PSMB7: variants seen among roughly 807,000 people sequenced by gnomAD.
PSMB7 encodes the protein proteasome 20S subunit beta 7, also known as proteasome subunit beta type-7.
Under a neutral mutation model 28.1 loss-of-function variants are expected in PSMB7, and 5 were observed. That is an observed-to-expected ratio of 0.18 (90% confidence interval 0.09 to 0.37). The LOEUF (loss-of-function observed/expected upper bound fraction) is 0.37. PSMB7 is among the 10% of genes least tolerant of loss of function. The pLI is 1.00. For synonymous variants in PSMB7, 122 were observed against 123.7 expected (o/e 0.99, Z 0.09); for missense variants, 275 against 346.2 (o/e 0.79, Z 1.63).
At chr9:124,408,333 A>G (rs1830989344) in intron 4 of PSMB7, among the ~76,000 whole-genome samples, 1 of 152,236 alleles carries the variant, frequency 6.6e-6, no homozygotes. Context: ...TCTAGAATAC[A>G]GGCTAAGGAA....
intron 6 of PSMB7, among the ~76,000 whole-genome samples, chr9:124,372,212 C>CT (rs1240472397): frequency 2.0e-5 from 3 of 152,230 alleles, no homozygotes; most frequent in African/African-American, 4.8e-5. Flanking sequence ...TCAGTACTGC[C>CT]TCTGCATTAC....
chr9:124,358,938 G>A (rs1830440858), intron 6 of PSMB7, among the ~76,000 whole-genome samples: 1 of 152,218 alleles, frequency 6.6e-6, no homozygotes, highest in Non-Finnish European at 1.5e-5. Flanking sequence ...TGGGGAAACG[G>A]AAATATACGA....
intron 6 of PSMB7, among the ~76,000 whole-genome samples, chr9:124,363,486 CT>C (rs995283369): frequency 3.3e-5 from 5 of 151,908 alleles, no homozygotes; most frequent in East Asian, 3.9e-4. Context: ...CGGTAGAAAA[CT>C]TTTTTTTTCC....
chr9:124,412,683 C>G (rs1160878800), intron 3 of PSMB7, among the ~76,000 whole-genome samples, 191 bp from the exon 4 acceptor site: 1 of 152,116 alleles, frequency 6.6e-6, no homozygotes, highest in Admixed American at 6.6e-5. Flanking sequence ...TAGTTATATG[C>G]AAATACATTA....
intron 6 of PSMB7, among the ~76,000 whole-genome samples, chr9:124,365,618 T>C (rs1356739989): frequency 6.6e-6 from 1 of 152,098 alleles, no homozygotes; most frequent in Admixed American, 6.5e-5. Context: ...AGTGGTCCCA[T>C]AAAATTATCA....
At chr9:124,387,811 G>A (rs1006581105) in intron 5 of PSMB7, among the ~76,000 whole-genome samples, 2 of 151,630 alleles carry the variant, frequency 1.3e-5, no homozygotes, top group Non-Finnish European at 2.9e-5. Flanking sequence ...AAATACAGCT[G>A]CAATTGCCTG....
intron 5 of PSMB7, among the ~76,000 whole-genome samples, chr9:124,389,032 C>CA (rs1178611130): frequency 5.9e-5 from 9 of 151,700 alleles, no homozygotes; most frequent in African/African-American, 2.2e-4. Flanking sequence ...ATGAGGGAGC[C>CA]AAAAAAAACT....
Position 124,405,307 on chromosome 9 carries a change from T to A in PSMB7, c.511+10A>T, listed in dbSNP as rs1233671362. 1 of 1,568,012 alleles carries A rather than the reference T, an allele frequency of 6.4e-7. No individual in the cohort carries two copies. The highest frequency in any genetic ancestry group is 8.8e-7 in the Non-Finnish European group (1 of 1,139,086). ...AGTACTCTTAAACATCAGGAAAACG[T>A]TACACTCACCCATGGTGACATAAGG... On this transcript the variant is annotated intron_variant, in intron 5 of 7. Coordinates refer to ENST00000259457, the MANE Select transcript of PSMB7 (RefSeq NM_002799.4).
intron 5 of PSMB7, among the ~76,000 whole-genome samples, chr9:124,401,793 G>A (rs778351285): frequency 3.3e-5 from 5 of 152,122 alleles, no homozygotes; most frequent in East Asian, 1.9e-4. Context: ...GGCAGAGGCC[G>A]GCAGATCACG....
At chr9:124,410,659 A>G (rs1831019421) in intron 4 of PSMB7, among the ~76,000 whole-genome samples, 1 of 152,200 alleles carries the variant, frequency 6.6e-6, no homozygotes, top group Admixed American at 6.5e-5. Context: ...CACAAACATA[A>G]AGCAGCAATT....
chr9:124,363,247 A>T (rs1830479006), intron 6 of PSMB7, among the ~76,000 whole-genome samples: 1 of 152,216 alleles, frequency 6.6e-6, no homozygotes, highest in South Asian at 2.1e-4. Flanking sequence ...CCATTCAAAG[A>T]CAAGCGCTTG....
In PSMB7 at chr9:124,356,418, T is replaced by C. The variant is rs1338984934; in HGVS notation, c.722+346A>G. On this transcript the variant is annotated intron_variant, in intron 7 of 7. Coordinates refer to ENST00000259457, the MANE Select transcript of PSMB7 (RefSeq NM_002799.4). This position sits in a 1 kb window ranked among gnomAD's most constrained non-coding sequence, Gnocchi z 4.4. ...GCACTCTGAGGGAAAGTGCTGGGGC[T>C]GCCCTGAAAAATGCACCTTCTCCCA... Among the ~76,000 whole-genome samples, 1 of 152,176 alleles carries C rather than the reference T, an allele frequency of 6.6e-6. No homozygotes were observed. The highest frequency in any genetic ancestry group is 1.5e-5 in the Non-Finnish European group (1 of 68,032).
chr9:124,407,963 A>G (rs556642440), intron 4 of PSMB7, among the ~76,000 whole-genome samples: 23 of 152,294 alleles, frequency 1.5e-4, no homozygotes, highest in African/African-American at 5.5e-4. Context: ...CCTAAGCAAC[A>G]TAGTGAGACA....
intron 6 of PSMB7, among the ~76,000 whole-genome samples, chr9:124,367,042 A>AC (rs1298017249): frequency 6.6e-6 from 1 of 152,248 alleles, no homozygotes; most frequent in African/African-American, 2.4e-5. Flanking sequence ...TTTTGAAACT[A>AC]CGACAGGGAA....
chr9:124,410,453 T>A (rs767107346), intron 4 of PSMB7, among the ~76,000 whole-genome samples: 20 of 152,148 alleles, frequency 1.3e-4, no homozygotes, highest in Admixed American at 6.5e-5. Flanking sequence ...AGACACATCG[T>A]GTAGAAAAAA....
chr9:124,383,349 T>A (rs1588574756), intron 6 of PSMB7, among the ~76,000 whole-genome samples: 1 of 152,220 alleles, frequency 6.6e-6, no homozygotes, highest in Non-Finnish European at 1.5e-5. Context: ...TACACTATGT[T>A]TTAATTCCTG....
chr9:124,369,129 A>G (rs1451375651), intron 6 of PSMB7, among the ~76,000 whole-genome samples: 1 of 152,238 alleles, frequency 6.6e-6, no homozygotes, highest in Non-Finnish European at 1.5e-5. Context: ...GAATGACCAC[A>G]TTCTACAGAT....
At chr9:124,357,891 G>C (rs964701173) in intron 6 of PSMB7, among the ~76,000 whole-genome samples, 2 of 152,188 alleles carry the variant, frequency 1.3e-5, no homozygotes, top group Non-Finnish European at 2.9e-5. Context: ...GAGCTTCAGG[G>C]AGGGCTGAAG....
chr9:124,366,627 C>A (rs941407134), intron 6 of PSMB7, among the ~76,000 whole-genome samples: 1 of 152,186 alleles, frequency 6.6e-6, no homozygotes, highest in East Asian at 1.9e-4. Context: ...TACAGTAACA[C>A]CCTAGGCCTT....
Sources: gnomAD v4.1 joint callset for allele counts (sites outside exome capture counted in the v4.1 genomes callset) on GRCh38, gnomAD v4.1.1 for gene constraint, Gnocchi (gnomAD v3.1) non-coding constraint, MANE v1.5 for transcripts, NCBI Gene and HGNC (gene_info 2026-07-23, HGNC 2026-07-21) for gene names.